CCDC15: variants seen among roughly 807,000 people sequenced by gnomAD.
The protein encoded by CCDC15 is coiled-coil domain-containing protein 15.
In CCDC15, 105 loss-of-function variants were observed where a neutral mutation model predicts 114.5. The ratio of observed to expected loss-of-function variants is 0.92; its 90% CI spans 0.78 to 1.08. The LOEUF is 1.08. Ranked by LOEUF, CCDC15 falls within the 50% of genes least tolerant of loss-of-function variation. The pLI, the probability that CCDC15 is intolerant of heterozygous loss-of-function variation, is 0.00. For synonymous variants in CCDC15, 334 were observed against 377.8 expected, an observed-to-expected ratio of 0.88 and a Z score of 1.34; for missense variants, 1,105 against 1,093.6, an observed-to-expected ratio of 1.01 and a Z score of -0.15.
At chr11:125,016,150 A>G (rs1948627816) in intron 13 of CCDC15, among the ~76,000 whole-genome samples, 1 of 152,162 alleles carries the variant, frequency 6.6e-6, no homozygotes, top group Admixed American at 6.6e-5. Flanking sequence ...CAGTATCTGC[A>G]TGGTTGAGGG....
At chr11:124,955,173 T>C (rs1030170985) in intron 2 of CCDC15, among the ~76,000 whole-genome samples, 3 of 152,248 alleles carry the variant, frequency 2.0e-5, no homozygotes, top group African/African-American at 7.2e-5. Flanking sequence ...TATAGATATA[T>C]ATCTGTATAT....
At chr11:125,005,241 T>C in intron 13 of CCDC15, 29 bp downstream of exon 13, 1 of 984,500 alleles carries the variant, frequency 1.0e-6, no homozygotes, top group Non-Finnish European at 1.5e-6. Flanking sequence ...TCTGTGAGCC[T>C]TAAATTGCCA....
intron 4 of CCDC15, among the ~76,000 whole-genome samples, chr11:124,968,372 C>A (rs1947820709): frequency 6.6e-6 from 1 of 152,228 alleles, no homozygotes; most frequent in Non-Finnish European, 1.5e-5. Flanking sequence ...GCGGACGCCC[C>A]TCCTCCAGCC....
chr11:125,031,967 C>T (rs956075639), intron 13 of CCDC15, among the ~76,000 whole-genome samples: 13 of 152,158 alleles, frequency 8.5e-5, no homozygotes, highest in Admixed American at 7.9e-4. Flanking sequence ...GAGGCCAAAT[C>T]CTTTACCTTA....
chr11:125,024,999 C>CATATATATATGAATATATATATGA (rs1288475099), intron 13 of CCDC15, among the ~76,000 whole-genome samples: 37 of 127,728 alleles, frequency 2.9e-4, no homozygotes, highest in South Asian at 7.2e-4. Context: ...CTGTCAAATT[C>CATATATATATGAATATATATATGA]ATATATATAT....
intron 4 of CCDC15, among the ~76,000 whole-genome samples, chr11:124,962,715 T>C (rs941938515): frequency 1.3e-5 from 2 of 152,110 alleles, no homozygotes; most frequent in African/African-American, 4.8e-5. Context: ...TTGTTACATA[T>C]GTATACATGT....
intron 5 of CCDC15, among the ~76,000 whole-genome samples, chr11:124,976,040 T>C (rs1408791096): frequency 6.6e-6 from 1 of 151,938 alleles, no homozygotes; most frequent in African/African-American, 2.4e-5. Flanking sequence ...ATTTTGGCAT[T>C]AATGTTTTAT....
At chr11:125,014,310 A>G (rs1216847668) in intron 13 of CCDC15, among the ~76,000 whole-genome samples, 1 of 152,194 alleles carries the variant, frequency 6.6e-6, no homozygotes, top group Non-Finnish European at 1.5e-5. Context: ...TTCTCTGGTT[A>G]TGGATAACAT....
intron 11 of CCDC15, 67 bp downstream of exon 11, chr11:124,993,310 G>C (rs1948303386): frequency 9.8e-7 from 1 of 1,023,160 alleles, no homozygotes; most frequent in East Asian, 2.6e-5. Context: ...TAGTGAGTAA[G>C]TAACAGAGTG....
chr11:125,012,123 T>C (rs1471109359), intron 13 of CCDC15, among the ~76,000 whole-genome samples: 1 of 152,190 alleles, frequency 6.6e-6, no homozygotes, highest in African/African-American at 2.4e-5. Context: ...CAGAACTGTG[T>C]ATACCCTAAA....
At chr11:124,983,235 C>G (rs1948101942) in intron 6 of CCDC15, among the ~76,000 whole-genome samples, 2 of 152,122 alleles carry the variant, frequency 1.3e-5, no homozygotes, top group African/African-American at 2.4e-5. Flanking sequence ...TTAACTTTCT[C>G]CTGAATGTCG....
At chr11:125,032,852 A>G (rs1228165843) in intron 13 of CCDC15, among the ~76,000 whole-genome samples, 1 of 152,182 alleles carries the variant, frequency 6.6e-6, no homozygotes, top group African/African-American at 2.4e-5. Flanking sequence ...CCTCACCTTC[A>G]TAAGCCCCTT....
At chr11:125,033,629 A>G (rs1438997164) in intron 13 of CCDC15, among the ~76,000 whole-genome samples, 1 of 152,172 alleles carries the variant, frequency 6.6e-6, no homozygotes, top group Non-Finnish European at 1.5e-5. Context: ...CCACTCCACC[A>G]TTCCAATCTC....
chr11:125,010,419 G>T (rs1347254345), intron 13 of CCDC15, among the ~76,000 whole-genome samples: 1 of 149,984 alleles, frequency 6.7e-6, no homozygotes, highest in Non-Finnish European at 1.5e-5. Context: ...ACTCTGTCCA[G>T]TGGCACATTC....
chr11:125,024,427 TAGCAATATTG>T (rs999870506), intron 13 of CCDC15, among the ~76,000 whole-genome samples: 12 of 152,254 alleles, frequency 7.9e-5, no homozygotes, highest in Non-Finnish European at 1.5e-4. Flanking sequence ...ATTGAAATCT[TAGCAATATTG>T]AATCTGCTGA....
chr11:124,959,727 T>TAAAAAAATATG, intron 3 of CCDC15, 88 bp from the exon 4 acceptor site: 1 of 766,206 alleles, frequency 1.3e-6, no homozygotes. Flanking sequence ...CACCCCAATT[T>TAAAAAAATATG]AAAATCTTCT....
intron 4 of CCDC15, among the ~76,000 whole-genome samples, chr11:124,961,600 ACCT>A (rs951549927): frequency 6.6e-6 from 1 of 152,066 alleles, no homozygotes; most frequent in Non-Finnish European, 1.5e-5. Flanking sequence ...GCTCACTGCA[ACCT>A]CCTCCTCCTG....
At chr11:124,989,069 G>T (rs1948225407) in intron 8 of CCDC15, among the ~76,000 whole-genome samples, 1 of 152,136 alleles carries the variant, frequency 6.6e-6, no homozygotes, top group Admixed American at 6.5e-5. Context: ...AACTTACTTT[G>T]CCCATATCTA....
intron 6 of CCDC15, among the ~76,000 whole-genome samples, chr11:124,984,271 G>A (rs1252611139): frequency 6.6e-6 from 1 of 152,120 alleles, no homozygotes; most frequent in Non-Finnish European, 1.5e-5. Flanking sequence ...GCAGGCTCAT[G>A]CTGGTTGGTG....
Sources: allele counts gnomAD v4.1 joint callset (sites outside exome capture counted in the v4.1 genomes callset), GRCh38; gene constraint gnomAD v4.1.1; transcripts MANE v1.5; gene names NCBI Gene and HGNC (gene_info 2026-07-23, HGNC 2026-07-21).